The following FRMPD4 variants were observed in gnomAD, a reference collection of about 807,000 sequenced individuals.
FRMPD4 encodes FERM and PDZ domain-containing protein 4.
Under a neutral mutation model 94.1 loss-of-function variants are expected in FRMPD4, and 22 were observed. The ratio of observed to expected loss-of-function variants is 0.23; its 90% CI spans 0.17 to 0.33. The LOEUF is 0.33. FRMPD4 is among the 10% of genes least tolerant of loss of function. The pLI is 1.00. For missense variants in FRMPD4, 1,111 were observed against 1,339.9 expected, an observed-to-expected ratio of 0.83 and a Z score of 2.67; for synonymous variants, 631 against 548.6, an observed-to-expected ratio of 1.15 and a Z score of -2.10.
chrX:12,382,498 T>C, intron 1 of FRMPD4, among the ~76,000 whole-genome samples: 1 of 73,328 alleles, frequency 1.4e-5, no homozygotes, highest in Non-Finnish European at 2.6e-5. Context: ...TAGCATAGCA[T>C]AGCATAGCAT....
chrX:12,635,517 C>T (rs985566998), intron 4 of FRMPD4, among the ~76,000 whole-genome samples: 3 of 111,361 alleles, frequency 2.7e-5, no homozygotes, highest in Non-Finnish European at 5.7e-5. Context: ...ACTGGACTTC[C>T]CAAACAGAGC....
intron 1 of FRMPD4, among the ~76,000 whole-genome samples, chrX:12,294,971 C>T (rs954943472): frequency 8.9e-6 from 1 of 112,053 alleles, no homozygotes; most frequent in African/African-American, 3.2e-5. Flanking sequence ...TTTATGTAAA[C>T]ACACAGAGAT....
chrX:12,618,503 T>C (rs149029852), intron 4 of FRMPD4, among the ~76,000 whole-genome samples: 5 of 111,584 alleles, frequency 4.5e-5, no homozygotes, highest in African/African-American at 1.6e-4. Context: ...TAAGGGATAT[T>C]ATTGATGCTG....
At chrX:12,386,160 A>C in intron 1 of FRMPD4, among the ~76,000 whole-genome samples, 1 of 112,414 alleles carries the variant, frequency 8.9e-6, no homozygotes, top group African/African-American at 3.2e-5. Context: ...TCAGAGTGAA[A>C]CCAGGTGTTC....
Position 11,962,978 on chromosome X carries a change from C to G in FRMPD4, c.95+84960C>G, listed in dbSNP as rs767142891. 6.2e-5 allele frequency among the ~76,000 whole-genome samples: 7 copies of G among 112,020 alleles called. No homozygotes were observed. The Admixed American group carries it at 6.6e-4, about 11-fold the overall frequency. ...TCCAGCTGACTTGGTTTCATTTTCT[C>G]CCTCCTACTAACCCCTCATCACCAC... On this transcript the variant is annotated intron_variant, in intron 3 of 18. Coordinates refer to the FRMPD4 transcript ENST00000640291.
chrX:12,607,135 C>T (rs186615465), intron 2 of FRMPD4, among the ~76,000 whole-genome samples: 60 of 111,418 alleles, frequency 5.4e-4, no homozygotes, highest in Non-Finnish European at 9.6e-4. Flanking sequence ...AGGCTCCTAC[C>T]CTGGTCACTG....
chrX:12,099,869 A>C (rs1352044271), intron 3 of FRMPD4, among the ~76,000 whole-genome samples: 1 of 112,911 alleles, frequency 8.9e-6, no homozygotes, highest in Non-Finnish European at 1.9e-5. Flanking sequence ...CAAGTTGCTT[A>C]AGGACTCTGA....
chrX:12,516,962 T>C (rs750037533), intron 2 of FRMPD4, among the ~76,000 whole-genome samples: 1 of 104,586 alleles, frequency 9.6e-6, no homozygotes, highest in South Asian at 4.8e-4. Flanking sequence ...ATAGTCTTCA[T>C]GCTCTGAAAT....
intron 2 of FRMPD4, among the ~76,000 whole-genome samples, chrX:12,506,701 G>A (rs2057989301): frequency 8.9e-6 from 1 of 112,828 alleles, no homozygotes; most frequent in South Asian, 3.7e-4. Context: ...GCATTAACTT[G>A]TCTGAAGAAT....
chrX:11,941,813 G>A (rs2054161460), intron 3 of FRMPD4, among the ~76,000 whole-genome samples: 1 of 111,819 alleles, frequency 8.9e-6, no homozygotes, highest in Non-Finnish European at 1.9e-5. Context: ...AGTTGAGAAG[G>A]TTTTTCTGCT....
intron 4 of FRMPD4, among the ~76,000 whole-genome samples, chrX:12,666,428 A>T (rs956432344): frequency 9.0e-6 from 1 of 111,636 alleles, no homozygotes; most frequent in Non-Finnish European, 1.9e-5. Flanking sequence ...GACCAAGTGG[A>T]CCTAATACAC....
chrX:12,138,078 C>G (rs1278476382), upstream of FRMPD4, among the ~76,000 whole-genome samples: 1 of 112,103 alleles, frequency 8.9e-6, no homozygotes, highest in Non-Finnish European at 1.9e-5. Context: ...AAAGACACAC[C>G]TTCCCAGCCA....
intron 2 of FRMPD4, among the ~76,000 whole-genome samples, chrX:12,580,389 A>G (rs965554772): frequency 8.9e-6 from 1 of 111,834 alleles, no homozygotes; most frequent in Admixed American, 9.5e-5. Flanking sequence ...CAACATACCA[A>G]CATCCCCCAG....
At chrX:12,158,302 C>G (rs929516869) in intron 1 of FRMPD4, among the ~76,000 whole-genome samples, 1 of 112,010 alleles carries the variant, frequency 8.9e-6, no homozygotes, top group African/African-American at 3.2e-5. Context: ...CTCTCACTTG[C>G]CTAAATGAGT....
chrX:11,895,206 A>G (rs1210576473), intron 3 of FRMPD4, among the ~76,000 whole-genome samples: 1 of 112,048 alleles, frequency 8.9e-6, no homozygotes, highest in Non-Finnish European at 1.9e-5. Context: ...TGTGCATTGC[A>G]GGATCTTTAG....
chrX:12,279,938 C>T (rs1421654382), intron 1 of FRMPD4, among the ~76,000 whole-genome samples: 1 of 111,335 alleles, frequency 9.0e-6, no homozygotes. Flanking sequence ...AGCAGATGAT[C>T]CAGGACCTCT....
chrX:12,542,917 C>G (rs189992721), intron 2 of FRMPD4, among the ~76,000 whole-genome samples: 3 of 111,384 alleles, frequency 2.7e-5, no homozygotes, highest in African/African-American at 9.8e-5. Flanking sequence ...CAGAACAGAG[C>G]CCTCAGAAAT....
intron 3 of FRMPD4, among the ~76,000 whole-genome samples, chrX:12,071,408 A>G (rs1334559260): frequency 1.8e-5 from 2 of 111,928 alleles, no homozygotes. Flanking sequence ...AGAACACCTA[A>G]TATCTTTGCA....
chrX:12,400,279 T>C (rs1477766807), intron 1 of FRMPD4, among the ~76,000 whole-genome samples: 3 of 112,345 alleles, frequency 2.7e-5, no homozygotes, highest in Non-Finnish European at 5.6e-5. Context: ...ATAATTGTCA[T>C]ATTTAATTTA....
Sources: gnomAD v4.1 joint callset for allele counts (sites outside exome capture counted in the v4.1 genomes callset) on GRCh38, gnomAD v4.1.1 for gene constraint, MANE v1.5 for transcripts, NCBI Gene and HGNC (gene_info 2026-07-23, HGNC 2026-07-21) for gene names.